Variants in FRMD4A observed in about 807,000 individuals in gnomAD.
FRMD4A encodes the protein FERM domain-containing protein 4A.
A neutral mutation model predicts 129.1 loss-of-function variants in FRMD4A; 29 were observed. The observed-to-expected ratio is 0.22, with a 90% CI of 0.17 to 0.31. The LOEUF is 0.31. Ranked by LOEUF, FRMD4A falls within the 10% of genes least tolerant of loss-of-function variation. FRMD4A has a pLI of 1.00. For missense variants in FRMD4A, 1,272 were observed against 1,375.8 expected (o/e 0.92, Z 1.19); for synonymous variants, 634 against 571.6 (o/e 1.11, Z -1.56).
chr10:13,917,372 C>T (rs1289025873), intron 2 of FRMD4A, among the ~76,000 whole-genome samples: 1 of 151,652 alleles, frequency 6.6e-6, no homozygotes, highest in Non-Finnish European at 1.5e-5. Flanking sequence ...AAACTGCAAC[C>T]TCCACCTCCT....
intron 2 of FRMD4A, among the ~76,000 whole-genome samples, chr10:14,160,508 GAATGGGAGAA>G (rs1351504514): frequency 6.6e-6 from 1 of 152,178 alleles, no homozygotes; most frequent in Non-Finnish European, 1.5e-5. Flanking sequence ...GACACCTGTT[GAATGGGAGAA>G]AATGTTTGTA....
At position 13,693,878 on chromosome 10, in the gene FRMD4A, TCC is replaced by T. The variant is rs1373575622; in HGVS notation, c.1117+18_1117+19del. The T allele has an allele frequency of 1.2e-6, 2 of 1,608,142 alleles. No individual in the cohort carries two copies. Among genetic ancestry groups the T allele is most frequent in the African/African-American group, 2.7e-5 (2 of 74,588 alleles). ...CCCAGCCATGCTCAGGGGGCGTCCC[TCC>T]AGCTGGCCTCTGCCTACCTGAAGAC... On this transcript the variant is annotated intron_variant, in intron 15 of 24. Coordinates refer to ENST00000357447, the MANE Select transcript of FRMD4A (RefSeq NM_018027.5).
intron 13 of FRMD4A, among the ~76,000 whole-genome samples, chr10:13,704,489 A>AT (rs1381931386): frequency 6.6e-6 from 1 of 151,654 alleles, no homozygotes; most frequent in African/African-American, 2.4e-5. Flanking sequence ...TGACATCTAT[A>AT]TCCCCCTGAG....
chr10:13,658,002 G>T (rs1447929211), intron 21 of FRMD4A, among the ~76,000 whole-genome samples: 3 of 150,504 alleles, frequency 2.0e-5, no homozygotes, highest in African/African-American at 7.4e-5. Context: ...AATTAGCTGG[G>T]TGTAGTGTTG....
intron 2 of FRMD4A, among the ~76,000 whole-genome samples, chr10:13,873,082 A>G (rs1403428861): frequency 2.6e-5 from 4 of 152,036 alleles, no homozygotes; most frequent in African/African-American, 7.2e-5. Context: ...AGGCTGAGGC[A>G]GAAGAATCAC....
chr10:13,976,451 G>A lies in FRMD4A; in HGVS notation c.46-117539C>T, dbSNP rs566479753. Among the ~76,000 whole-genome samples the A allele has an allele frequency of 4.7e-4, 71 of 152,182 alleles. 2 individuals carry two copies. In the South Asian group the frequency reaches 7.7e-3, roughly 16 times the overall value. The stretch of plus-strand genomic sequence containing the variant: ...CCCATCCCCTGCAGCTCCCACCTCC[G>A]TCCCACTGGTTAATCATCTTCCCTA... On this transcript the variant is annotated intron_variant, in intron 2 of 24. Transcript: ENST00000357447.
intron 2 of FRMD4A, among the ~76,000 whole-genome samples, chr10:14,034,128 G>A (rs1833388097): frequency 6.6e-6 from 1 of 152,282 alleles, no homozygotes; most frequent in Admixed American, 6.5e-5. Context: ...TTTCTATTTG[G>A]TCCCTAGGGT....
chr10:14,051,161 C>T (rs1410361845), intron 2 of FRMD4A, among the ~76,000 whole-genome samples: 1 of 152,216 alleles, frequency 6.6e-6, no homozygotes, highest in Non-Finnish European at 1.5e-5. Flanking sequence ...AACCAAAATG[C>T]AGTATCTAGC....
chr10:13,846,581 A>G (rs1564901881), intron 3 of FRMD4A, among the ~76,000 whole-genome samples: 1 of 152,176 alleles, frequency 6.6e-6, no homozygotes, highest in Non-Finnish European at 1.5e-5. Context: ...GTCCATTACT[A>G]TGGATGCAAC....
At chr10:13,976,605 A>T (rs970759973) in intron 2 of FRMD4A, among the ~76,000 whole-genome samples, 4 of 152,148 alleles carry the variant, frequency 2.6e-5, no homozygotes, top group Non-Finnish European at 5.9e-5. Flanking sequence ...TTTAAGACAT[A>T]ATTACTGCCT....
At chr10:14,024,933 G>T (rs1327050879) in intron 2 of FRMD4A, among the ~76,000 whole-genome samples, 1 of 152,224 alleles carries the variant, frequency 6.6e-6, no homozygotes, top group Non-Finnish European at 1.5e-5. Context: ...ATTGTCGAAC[G>T]GGGGCAGTGG....
intron 2 of FRMD4A, among the ~76,000 whole-genome samples, chr10:14,068,782 C>T (rs1448931580): frequency 6.6e-6 from 1 of 151,966 alleles, no homozygotes; most frequent in East Asian, 1.9e-4. Flanking sequence ...GGAGTAGTTT[C>T]CTGTTTGTTT....
chr10:14,076,138 T>C (rs115561863), intron 2 of FRMD4A, among the ~76,000 whole-genome samples: 2,726 of 152,278 alleles, frequency 0.018, 88 homozygotes, highest in African/African-American at 0.063. Flanking sequence ...CCTGTTCATT[T>C]GCCCAGTGTG....
intron 2 of FRMD4A, among the ~76,000 whole-genome samples, chr10:13,977,884 C>G (rs143375340): frequency 2.2e-4 from 34 of 152,302 alleles, no homozygotes; most frequent in Middle Eastern, 6.8e-3. Context: ...TTGTGTTTAT[C>G]CATGCATCAG....
intron 2 of FRMD4A, among the ~76,000 whole-genome samples, chr10:14,029,399 C>A (rs1565196351): frequency 1.3e-5 from 2 of 152,118 alleles, no homozygotes; most frequent in African/African-American, 4.8e-5. Context: ...GAATCATCTG[C>A]TTCAAACGCA....
Position 13,674,950 on chromosome 10 carries a change from C to G in FRMD4A, c.1212G>C (p.Gln404His). ...ACAGCTTCTTCAGTTCCTCCAGCCT[C>G]TGACGCAGGGTTTCCTCCAGAGCTT... ...RQEALEETLR[Q>H]RLEELKKLCL... Residue 404 changes from glutamine (Q) to histidine (H), a missense_variant, in exon 16 of 25, where the codon CAG (glutamine) becomes CAC (histidine). This residue lies in a region of FRMD4A where 972 missense variants were observed against 892.3 expected (regional missense o/e 1.09). Coordinates refer to ENST00000357447, the MANE Select transcript of FRMD4A (RefSeq NM_018027.5). 6.2e-7 allele frequency: 1 copy of G among 1,614,198 alleles called. No individual in the cohort carries two copies. Among genetic ancestry groups the G allele is most frequent in the Non-Finnish European group, 8.5e-7 (1 of 1,180,018 alleles).
intron 2 of FRMD4A, among the ~76,000 whole-genome samples, chr10:14,096,380 T>C (rs1020588938): frequency 1.3e-5 from 2 of 152,198 alleles, no homozygotes; most frequent in African/African-American, 2.4e-5. Context: ...CAAGATATTT[T>C]GTTATAGCAG....
At chr10:13,960,790 G>A (rs1033817591) in intron 2 of FRMD4A, among the ~76,000 whole-genome samples, 11 of 152,076 alleles carry the variant, frequency 7.2e-5, no homozygotes, top group African/African-American at 1.4e-4. Context: ...AAGAAGAGGA[G>A]CCCCACTTCT....
At chr10:14,174,869 GT>G (rs1841652205) in intron 2 of FRMD4A, among the ~76,000 whole-genome samples, 1 of 37,932 alleles carries the variant, frequency 2.6e-5, no homozygotes, top group African/African-American at 5.0e-5. Flanking sequence ...AAAAAAAAGT[GT>G]GTGTGTGTCT....
Sources: gnomAD v4.1 joint callset for allele counts (sites outside exome capture counted in the v4.1 genomes callset) on GRCh38, gnomAD v4.1.1 for gene constraint, gnomAD v4.1.1 regional missense constraint, MANE v1.5 for transcripts, NCBI Gene and HGNC (gene_info 2026-07-23, HGNC 2026-07-21) for gene names.